Variants in L3MBTL4 observed in about 807,000 individuals in gnomAD.
L3MBTL4 encodes the protein lethal(3)malignant brain tumor-like protein 4.
A neutral mutation model predicts 84.5 loss-of-function variants in L3MBTL4; 70 were observed. That is an observed-to-expected ratio of 0.83 (90% CI 0.68 to 1.01). The LOEUF is 1.01. L3MBTL4 is among the 50% of genes least tolerant of loss of function. The probability of loss-of-function intolerance (pLI) is 0.00; values close to 1 mark genes in which losing one functional copy is unlikely to be tolerated. For synonymous variants in L3MBTL4, 274 were observed against 259.8 expected (o/e 1.05, Z -0.52); for missense variants, 715 against 754.8 (o/e 0.95, Z 0.62).
intron 1 of L3MBTL4, among the ~76,000 whole-genome samples, chr18:6,403,366 A>G (rs969094881): frequency 1.3e-5 from 2 of 152,178 alleles, no homozygotes; most frequent in Admixed American, 6.5e-5. Flanking sequence ...ATGGAACCCA[A>G]TGCTGTTCAA....
intron 14 of L3MBTL4, among the ~76,000 whole-genome samples, chr18:6,102,777 A>T (rs1018641221): frequency 6.6e-6 from 1 of 152,238 alleles, no homozygotes; most frequent in East Asian, 1.9e-4. Flanking sequence ...ATGTCTGCTC[A>T]AGTACCAAAA....
intron 1 of L3MBTL4, among the ~76,000 whole-genome samples, chr18:6,392,340 G>A (rs2055090700): frequency 6.6e-6 from 1 of 152,188 alleles, no homozygotes; most frequent in Admixed American, 6.5e-5. Context: ...CTTGAGATCG[G>A]GAGTTCAAGA....
intron 14 of L3MBTL4, among the ~76,000 whole-genome samples, chr18:6,113,056 G>T (rs2059242735): frequency 1.3e-5 from 2 of 152,172 alleles, no homozygotes; most frequent in African/African-American, 4.8e-5. Context: ...TCGCAGAACA[G>T]AGCCCATATC....
At chr18:6,297,841 T>C (rs1183592534) in intron 4 of L3MBTL4, among the ~76,000 whole-genome samples, 1 of 152,244 alleles carries the variant, frequency 6.6e-6, no homozygotes, top group Non-Finnish European at 1.5e-5. Context: ...TAATATTTTA[T>C]CATAAGCTTT....
intron 16 of L3MBTL4, among the ~76,000 whole-genome samples, chr18:6,056,830 C>T (rs993537604): frequency 6.6e-6 from 1 of 152,124 alleles, no homozygotes; most frequent in African/African-American, 2.4e-5. Context: ...GGGTAAATCA[C>T]CTGCTCTGCA....
rs150018228 is a variant in L3MBTL4 at position 6,268,482 on chromosome 18, C to A, written c.128-4444G>T. Among the ~76,000 whole-genome samples the A allele has an allele frequency of 4.8e-3, 733 of 152,298 alleles. 12 individuals carry two copies. Among genetic ancestry groups the A allele is most frequent in the African/African-American group, 0.017 (715 of 41,562 alleles). On this transcript the variant is annotated intron_variant, in intron 4 of 18. Coordinates refer to ENST00000317931, the MANE Select transcript of L3MBTL4 (RefSeq NM_001330559.2). Reference sequence around the variant, plus strand: ...GCACTCTGGGCCTTAAACATGAATTCAAATGTGTCTATTTTGACCAATTCA... The same window carrying A: ...GCACTCTGGGCCTTAAACATGAATTAAAATGTGTCTATTTTGACCAATTCA...
At chr18:6,301,981 AG>A in intron 3 of L3MBTL4, 24 bp from the exon 4 acceptor site, 1 of 1,581,430 alleles carries the variant, frequency 6.3e-7, no homozygotes, top group South Asian at 1.1e-5. Context: ...AATGGTGTTT[AG>A]ATGGTATTGC....
chr18:6,245,447 G>T (rs1473645563), intron 5 of L3MBTL4, among the ~76,000 whole-genome samples: 1 of 151,886 alleles, frequency 6.6e-6, no homozygotes, highest in African/African-American at 2.4e-5. Flanking sequence ...CTGTGACTTG[G>T]CTCTTCACTG....
chr18:6,277,516 G>T (rs571901622), intron 4 of L3MBTL4, among the ~76,000 whole-genome samples: 8 of 152,202 alleles, frequency 5.3e-5, no homozygotes, highest in African/African-American at 1.7e-4. Flanking sequence ...CCACCAGAAC[G>T]TTGGGGATTT....
At chr18:6,169,772 C>T (rs7238145) in intron 13 of L3MBTL4, among the ~76,000 whole-genome samples, 11,002 of 151,468 alleles carry the variant, frequency 0.073, 1,350 homozygotes, top group African/African-American at 0.25. Flanking sequence ...GGCACATGTA[C>T]ACATATGTAA....
intron 1 of L3MBTL4, among the ~76,000 whole-genome samples, chr18:6,369,890 T>C (rs753746216): frequency 1.3e-5 from 2 of 152,016 alleles, no homozygotes; most frequent in Non-Finnish European, 2.9e-5. Context: ...TCCTAGCACT[T>C]TGGGAGGCCG....
rs531649064 is a variant in L3MBTL4 at position 6,231,544 on chromosome 18, A to G, written c.784+6420T>C. On this transcript the variant is annotated intron_variant, in intron 10 of 18. Coordinates refer to ENST00000317931, the MANE Select transcript of L3MBTL4 (RefSeq NM_001330559.2). ...CAATATCACATTTTCTAATACACGA[A>G]CATGGCTTTCCACTCATTTGTGTCA... Among the ~76,000 whole-genome samples the G allele has an allele frequency of 3.3e-5, 5 of 151,924 alleles. No individual in the cohort carries two copies. The South Asian group carries it at 1.0e-3, about 32-fold the overall frequency.
chr18:6,087,708 G>A (rs72874037), intron 15 of L3MBTL4, among the ~76,000 whole-genome samples: 7,000 of 152,212 alleles, frequency 0.046, 195 homozygotes, highest in South Asian at 0.1. Flanking sequence ...GTGTTGAGGT[G>A]TGTGATATAC....
At chr18:6,049,464 C>T (rs2056762077) in intron 16 of L3MBTL4, among the ~76,000 whole-genome samples, 1 of 152,134 alleles carries the variant, frequency 6.6e-6, no homozygotes, top group Non-Finnish European at 1.5e-5. Flanking sequence ...CAATAGAAAA[C>T]ATACAAGTAC....
chr18:6,099,672 A>G (rs2058755548), intron 14 of L3MBTL4, among the ~76,000 whole-genome samples: 1 of 142,034 alleles, frequency 7.0e-6, no homozygotes, highest in Non-Finnish European at 1.5e-5. Flanking sequence ...GTGGCTGTAA[A>G]ATCAGTTCAC....
chr18:6,314,069 G>C (rs2080851188), intron 1 of L3MBTL4, among the ~76,000 whole-genome samples: 1 of 128,106 alleles, frequency 7.8e-6, no homozygotes, highest in Admixed American at 7.7e-5. Flanking sequence ...TAGATAGATA[G>C]ATAGATAGAT....
Position 6,230,876 on chromosome 18 carries a change from A to T in L3MBTL4, c.784+7088T>A, listed in dbSNP as rs114780940. On this transcript the variant is annotated intron_variant, in intron 10 of 18. Transcript: ENST00000317931. Reference sequence around the variant, plus strand: ...TTTCATATGCTTGTCAGCTACATATATGTCTTTTGAAAAAATGTCTGTTCA... The same window carrying T: ...TTTCATATGCTTGTCAGCTACATATTTGTCTTTTGAAAAAATGTCTGTTCA... Among the ~76,000 whole-genome samples the T allele has an allele frequency of 3.0e-3, 461 of 152,004 alleles. 2 individuals are homozygous for T. Among genetic ancestry groups the T allele is most frequent in the African/African-American group, 0.011 (440 of 41,490 alleles).
At chr18:5,961,068 T>A (rs6506350) in intron 17 of L3MBTL4, among the ~76,000 whole-genome samples, 1 of 152,084 alleles carries the variant, frequency 6.6e-6, no homozygotes, top group Non-Finnish European at 1.5e-5. Context: ...AATGTAATCT[T>A]GGGAGGTGAT....
chr18:6,266,235 G>A (rs1014158102), intron 4 of L3MBTL4, among the ~76,000 whole-genome samples: 5 of 152,144 alleles, frequency 3.3e-5, no homozygotes, highest in South Asian at 2.1e-4. Flanking sequence ...ACACATTCAC[G>A]TAGAAAAGCA....
Sources: gnomAD v4.1 joint callset for allele counts (sites outside exome capture counted in the v4.1 genomes callset) on GRCh38, gnomAD v4.1.1 for gene constraint, MANE v1.5 for transcripts, NCBI Gene and HGNC (gene_info 2026-07-23, HGNC 2026-07-21) for gene names.